The following NCOR1 variants were observed in gnomAD, a reference collection of about 807,000 sequenced individuals.
NCOR1 encodes protein phosphatase 1, regulatory subunit 109.
A neutral mutation model predicts 288.1 loss-of-function variants in NCOR1; 63 were observed. The ratio of observed to expected loss-of-function variants is 0.22; its 90% CI spans 0.18 to 0.27. The LOEUF is 0.27. Ranked by LOEUF, NCOR1 falls within the 10% of genes least tolerant of loss-of-function variation. The pLI is 1.00. For synonymous variants in NCOR1, 1,007 were observed against 1,065.9 expected, an observed-to-expected ratio of 0.94 and a Z score of 1.08; for missense variants, 2,397 against 3,019.2, an observed-to-expected ratio of 0.79 and a Z score of 4.83.
At chr17:16,077,643 G>GAGAAA (rs1229964205) in intron 26 of NCOR1, among the ~76,000 whole-genome samples, 1 of 151,274 alleles carries the variant, frequency 6.6e-6, no homozygotes, top group African/African-American at 2.4e-5. Flanking sequence ...GAAAAGAAAA[G>GAGAAA]AGAAAAGAAA....
rs2060127419 is a variant in NCOR1, at chr17:16,058,051, T to G, written c.6024A>C (p.Arg2008Ser). 1.2e-6 allele frequency: 2 copies of G among 1,614,010 alleles called. No individual in the cohort carries two copies. The highest frequency in any genetic ancestry group is 3.3e-5 in the Admixed American group (2 of 59,992). The stretch of plus-strand genomic sequence containing the variant: ...AGTGATGTAATGGTCCTTCATATTG[T>G]CTGGTAGGATCATCTAGGAGAGAAC... ...KANQAENDPTRQYEGPLHHYR... is the reference protein window; with the variant it reads ...KANQAENDPTSQYEGPLHHYR... The change falls in exon 39 of 46, where the codon AGA (arginine) becomes AGC (serine). Residue 2008 changes from arginine to serine, a missense_variant. By Grantham distance (110) the Arg-to-Ser change is moderately radical (BLOSUM62 -1). Coordinates refer to ENST00000268712, the MANE Select transcript of NCOR1 (RefSeq NM_006311.4).
In NCOR1 at chr17:16,068,322, T is replaced by C. The variant is rs8069616; in HGVS notation, c.4514-201A>G. The C allele has an allele frequency of 1.1e-3, 642 of 559,322 alleles. 4 individuals carry two copies. The highest frequency in any genetic ancestry group is 0.011 in the African/African-American group (588 of 53,214). The allele number at this position is 559,322 out of a possible 1,614,324, so 34.6% of individuals were successfully genotyped here. On this transcript the variant is annotated intron_variant, in intron 31 of 45. Transcript: ENST00000268712. Reference sequence around the variant, plus strand: ...TGTAAACAACTAGTAGAAACTGAGATTTGGAGAGTACTGTCACCTTTTGGA... The same window carrying C: ...TGTAAACAACTAGTAGAAACTGAGACTTGGAGAGTACTGTCACCTTTTGGA...
intron 40 of NCOR1, among the ~76,000 whole-genome samples, chr17:16,051,945 G>A (rs950915366): frequency 5.3e-5 from 8 of 151,968 alleles, no homozygotes; most frequent in East Asian, 1.9e-4. Flanking sequence ...TAAACAAAAC[G>A]GAAGCTGAAC....
chr17:16,133,630 A>T (rs539723314), intron 14 of NCOR1, among the ~76,000 whole-genome samples: 1 of 152,330 alleles, frequency 6.6e-6, no homozygotes, highest in South Asian at 2.1e-4. Flanking sequence ...AGCAAATTCT[A>T]TATCTTTAAC....
intron 14 of NCOR1, among the ~76,000 whole-genome samples, chr17:16,127,001 T>A (rs1397340548): frequency 2.0e-5 from 3 of 152,114 alleles, no homozygotes; most frequent in African/African-American, 7.2e-5. Flanking sequence ...ACCACACTCA[T>A]GTAACTTCTA....
intron 1 of NCOR1, among the ~76,000 whole-genome samples, chr17:16,197,191 C>T (rs1207701464): frequency 6.6e-6 from 1 of 151,742 alleles, no homozygotes; most frequent in Non-Finnish European, 1.5e-5. Context: ...CATGGTGGCG[C>T]GTGCCTGTAA....
At chr17:16,126,495 C>T (rs958605218) in intron 14 of NCOR1, among the ~76,000 whole-genome samples, 1 of 151,922 alleles carries the variant, frequency 6.6e-6, no homozygotes, top group African/African-American at 2.4e-5. Context: ...TTTTTGGCAA[C>T]CTCCACATTT....
chr17:16,164,680 T>A (rs1457703613), intron 5 of NCOR1, among the ~76,000 whole-genome samples: 6 of 151,898 alleles, frequency 4.0e-5, no homozygotes, highest in Non-Finnish European at 8.8e-5. Context: ...CCTGGGCACA[T>A]GCCCTAGAAA....
chr17:16,145,824 G>T (rs762379262), intron 10 of NCOR1, among the ~76,000 whole-genome samples: 42 of 152,228 alleles, frequency 2.8e-4, no homozygotes, highest in Admixed American at 2.0e-3. Flanking sequence ...GAGCCGGCCA[G>T]GATGACGATG....
In NCOR1 at chr17:16,070,392, A is replaced by G; in HGVS notation, c.4286T>C (p.Val1429Ala). ...PLEIVPENIK[V>A]VERGKYEDVK... The stretch of plus-strand genomic sequence containing the variant: ...ATCCTCATATTTTCCCCGTTCTACC[A>G]CTTTTATGTTCTCTGGCACAATTTC... Residue 1429 changes from valine (V) to alanine (A), a missense_variant, in exon 31 of 46, where the codon GTG becomes GCG. Around this residue, in one of 11 missense-constraint regions of NCOR1, gnomAD observed 1,872 missense variants for 2,187.8 expected, o/e 0.86. Transcript: ENST00000268712. The G allele has an allele frequency of 6.2e-7, 1 of 1,614,088 alleles. No individual in the cohort carries two copies. Among genetic ancestry groups the G allele is most frequent in the Non-Finnish European group, 8.5e-7 (1 of 1,180,016 alleles).
At position 16,151,305 on chromosome 17, in the gene NCOR1, T is replaced by C. The variant is rs188772472; in HGVS notation, c.842+641A>G. ...TTATTTTCTTATTCCAAAATCTGCA[T>C]CCATAAAGGCCTGGTACTAGGATGA... On this transcript the variant is annotated intron_variant, in intron 8 of 45. Coordinates refer to ENST00000268712, the MANE Select transcript of NCOR1 (RefSeq NM_006311.4). Among the ~76,000 whole-genome samples, 75 of 152,228 alleles carry C rather than the reference T, an allele frequency of 4.9e-4. 1 individual carries two copies. The East Asian group carries it at 0.014, about 27-fold the overall frequency.
intron 42 of NCOR1, among the ~76,000 whole-genome samples, chr17:16,043,649 G>A (rs899912971): frequency 1.3e-5 from 2 of 152,202 alleles, no homozygotes; most frequent in African/African-American, 4.8e-5. Context: ...CACTTTAAGG[G>A]TAAGACAAAG....
chr17:16,146,376 C>T lies in NCOR1; in HGVS notation c.1082G>A (p.Arg361Gln), dbSNP rs2153347680. ...KQREQQERFQ[R>Q]VGQRGAGLSA... ...AGTCATTAAACATCAAACTACTCAC[C>T]GCTGAAATCTTTCTTGCTGTTCTCT... Residue 361 changes from arginine to glutamine, a missense_variant and splice_region_variant, in exon 10 of 46, where the codon CGA (arginine) becomes CAA (glutamine). Physicochemically the swap from Arg to Gln is conservative, Grantham distance 43. Transcript: ENST00000268712. The T allele has an allele frequency of 1.3e-6, 2 of 1,596,010 alleles. No homozygotes were observed. Among genetic ancestry groups the T allele is most frequent in the Non-Finnish European group, 1.7e-6 (2 of 1,174,616 alleles).
chr17:16,132,544 G>C (rs1366307272), intron 14 of NCOR1, among the ~76,000 whole-genome samples: 1 of 152,116 alleles, frequency 6.6e-6, no homozygotes, highest in Non-Finnish European at 1.5e-5. Flanking sequence ...TCCATGGAAT[G>C]GTAACAAGCT....
chr17:16,104,645 A>G (rs753911077), intron 19 of NCOR1, among the ~76,000 whole-genome samples: 5 of 152,122 alleles, frequency 3.3e-5, no homozygotes, highest in Non-Finnish European at 7.4e-5. Context: ...GGTGGCGTAC[A>G]CCAGTAATCC....
At chr17:16,095,192 A>T (rs528283355) in intron 21 of NCOR1, among the ~76,000 whole-genome samples, 1 of 144,040 alleles carries the variant, frequency 6.9e-6, no homozygotes, top group Admixed American at 6.9e-5. Flanking sequence ...ATCGTCTGAG[A>T]TGTGGGGAGC....
chr17:16,113,578 G>A (rs139110160), intron 18 of NCOR1, among the ~76,000 whole-genome samples: 1 of 151,970 alleles, frequency 6.6e-6, no homozygotes. Context: ...CCATATCAAG[G>A]AACCCTTCAT....
At chr17:16,138,911 G>C in intron 12 of NCOR1, 97 bp downstream of exon 12, 2 of 952,576 alleles carry the variant, frequency 2.1e-6, no homozygotes, top group Non-Finnish European at 3.0e-6. Context: ...ATGGGACCAA[G>C]TTTTTGTGAA....
At chr17:16,184,185 C>T (rs1214640017) in intron 3 of NCOR1, among the ~76,000 whole-genome samples, 1 of 152,114 alleles carries the variant, frequency 6.6e-6, no homozygotes, top group Non-Finnish European at 1.5e-5. Context: ...TGATTTTTTG[C>T]ATATCAAGAG....
Sources: allele counts gnomAD v4.1 joint callset (sites outside exome capture counted in the v4.1 genomes callset), GRCh38; gene constraint gnomAD v4.1.1; regional missense constraint gnomAD v4.1.1; transcripts MANE v1.5; gene names NCBI Gene and HGNC (gene_info 2026-07-23, HGNC 2026-07-21).